PCDH7: variants seen among roughly 807,000 people sequenced by gnomAD.
The protein encoded by PCDH7 is protocadherin 7.
A neutral mutation model predicts 58.9 loss-of-function variants in PCDH7; 17 were observed. That is an observed-to-expected ratio of 0.29 (90% CI 0.20 to 0.43). PCDH7 has a LOEUF of 0.43. PCDH7 is among the 20% of genes least tolerant of loss of function. The pLI, the probability that PCDH7 is intolerant of heterozygous loss-of-function variation, is 1.00. For missense variants in PCDH7, 1,274 were observed against 1,441.0 expected (o/e 0.88, Z 1.88); for synonymous variants, 664 against 616.4 (o/e 1.08, Z -1.14).
chr4:31,085,430 C>A (rs2109276225), intron 3 of PCDH7, among the ~76,000 whole-genome samples: 1 of 152,142 alleles, frequency 6.6e-6, no homozygotes, highest in African/African-American at 2.4e-5. Flanking sequence ...CAATCTAGTC[C>A]CCAGGCAAGA....
intron 3 of PCDH7, among the ~76,000 whole-genome samples, chr4:31,138,349 T>A (rs1719868431): frequency 6.6e-6 from 1 of 152,204 alleles, no homozygotes; most frequent in South Asian, 2.1e-4. Flanking sequence ...TTCTTTTCAC[T>A]AAGTAGTAAA....
chr4:31,096,546 C>T (rs1714012133), intron 3 of PCDH7, among the ~76,000 whole-genome samples: 1 of 152,120 alleles, frequency 6.6e-6, no homozygotes, highest in Non-Finnish European at 1.5e-5. Flanking sequence ...CTGTGGGAGC[C>T]ACAGCCTCAG....
intron 1 of PCDH7, among the ~76,000 whole-genome samples, chr4:30,869,946 T>A (rs543814332): frequency 6.6e-6 from 1 of 152,260 alleles, no homozygotes; most frequent in African/African-American, 2.4e-5. Context: ...CCAGCATATG[T>A]TGTTTTCTGA....
At chr4:31,069,009 G>C (rs984143295) in intron 3 of PCDH7, among the ~76,000 whole-genome samples, 1 of 151,886 alleles carries the variant, frequency 6.6e-6, no homozygotes, top group African/African-American at 2.4e-5. Context: ...CAGAAAAGAT[G>C]ACTTTGTTAA....
intron 1 of PCDH7, among the ~76,000 whole-genome samples, chr4:30,854,727 A>G (rs1733236114): frequency 6.6e-6 from 1 of 152,042 alleles, no homozygotes; most frequent in Non-Finnish European, 1.5e-5. Flanking sequence ...GTGTCATCCA[A>G]GAGTCGGAAT....
intron 3 of PCDH7, among the ~76,000 whole-genome samples, chr4:31,076,553 A>T (rs1045901609): frequency 2.0e-5 from 3 of 152,206 alleles, no homozygotes; most frequent in African/African-American, 7.2e-5. Context: ...ATATATCTTT[A>T]TACTTATAAA....
intron 1 of PCDH7, among the ~76,000 whole-genome samples, chr4:30,828,201 G>A (rs1272779144): frequency 1.3e-5 from 2 of 151,734 alleles, no homozygotes; most frequent in Non-Finnish European, 2.9e-5. Context: ...TGTATAAAAA[G>A]TATTTCAGGC....
chr4:30,728,554 T>C (rs181931654), intron 1 of PCDH7, among the ~76,000 whole-genome samples: 8 of 151,988 alleles, frequency 5.3e-5, no homozygotes, highest in African/African-American at 1.7e-4. Context: ...TTTAGTCATC[T>C]AGTAAAGCAA....
intron 1 of PCDH7, among the ~76,000 whole-genome samples, chr4:30,781,322 A>G (rs1398692624): frequency 6.7e-6 from 1 of 149,804 alleles, no homozygotes; most frequent in South Asian, 2.1e-4. Flanking sequence ...TTGTATTTTT[A>G]GCACAGACAG....
At chr4:31,120,737 A>C (rs1285562924) in intron 3 of PCDH7, among the ~76,000 whole-genome samples, 1 of 152,154 alleles carries the variant, frequency 6.6e-6, no homozygotes, top group Non-Finnish European at 1.5e-5. Context: ...TCAGGATTAG[A>C]AAGCAGGTAT....
At chr4:30,743,094 T>A (rs942632094) in intron 1 of PCDH7, among the ~76,000 whole-genome samples, 1 of 152,108 alleles carries the variant, frequency 6.6e-6, no homozygotes, top group African/African-American at 2.4e-5. Flanking sequence ...CATGTTATTG[T>A]AAATAAACTA....
At chr4:30,961,162 T>A (rs1035095360) in intron 3 of PCDH7, among the ~76,000 whole-genome samples, 2 of 152,104 alleles carry the variant, frequency 1.3e-5, no homozygotes, top group Non-Finnish European at 2.9e-5. Context: ...GCTTATTATA[T>A]TCTTAATAAT....
At chr4:30,739,194 G>C (rs1716750484) in intron 1 of PCDH7, among the ~76,000 whole-genome samples, 1 of 139,150 alleles carries the variant, frequency 7.2e-6, no homozygotes, top group Admixed American at 7.0e-5. Context: ...GTGTGCTGTA[G>C]GAGTGATGAC....
intron 1 of PCDH7, among the ~76,000 whole-genome samples, chr4:30,905,672 T>G (rs2109399270): frequency 6.6e-6 from 1 of 152,298 alleles, no homozygotes; most frequent in South Asian, 2.1e-4. Flanking sequence ...TTTTTCGCAT[T>G]AGTTGCTTGT....
chr4:30,903,110 G>T (rs936663180), intron 1 of PCDH7, among the ~76,000 whole-genome samples: 1 of 152,008 alleles, frequency 6.6e-6, no homozygotes, highest in Non-Finnish European at 1.5e-5. Context: ...GTTATGGCCA[G>T]GTTGTGAATA....
chr4:31,117,825 G>T (rs1413371643), intron 3 of PCDH7, among the ~76,000 whole-genome samples: 1 of 152,154 alleles, frequency 6.6e-6, no homozygotes, highest in South Asian at 2.1e-4. Context: ...GAAAGGATGG[G>T]TAGAGGGGTT....
At chr4:30,834,149 T>G (rs1490087235) in intron 1 of PCDH7, among the ~76,000 whole-genome samples, 1 of 152,158 alleles carries the variant, frequency 6.6e-6, no homozygotes, top group Non-Finnish European at 1.5e-5. Context: ...GCTTCACAGG[T>G]AGTAATCATT....
intron 1 of PCDH7, among the ~76,000 whole-genome samples, chr4:30,848,233 AT>A (rs1732245109): frequency 6.6e-6 from 1 of 152,072 alleles, no homozygotes; most frequent in Admixed American, 6.6e-5. Context: ...AAAACTTTGC[AT>A]GTAGCTAAAC....
chr4:30,812,238 G>A (rs141925459), intron 1 of PCDH7, among the ~76,000 whole-genome samples: 92 of 152,208 alleles, frequency 6.0e-4, no homozygotes, highest in Admixed American at 1.4e-3. Context: ...GAGTAGGGTA[G>A]GAGACAGCAC....
Sources: gnomAD v4.1 joint callset for allele counts (sites outside exome capture counted in the v4.1 genomes callset) on GRCh38, gnomAD v4.1.1 for gene constraint, MANE v1.5 for transcripts, NCBI Gene and HGNC (gene_info 2026-07-23, HGNC 2026-07-21) for gene names.